The following SORCS2 variants were observed in gnomAD, a reference collection of about 807,000 sequenced individuals.
The protein encoded by SORCS2 is sortilin related VPS10 domain containing receptor 2, also known as VPS10 domain-containing receptor SorCS2.
A neutral mutation model predicts 141.6 loss-of-function variants in SORCS2; 100 were observed. The ratio of observed to expected loss-of-function variants is 0.71; its 90% confidence interval spans 0.60 to 0.83. The LOEUF (loss-of-function observed/expected upper bound fraction) is 0.83, where lower values mean the gene tolerates loss of function less well. Ranked by LOEUF, SORCS2 falls within the 40% of genes least tolerant of loss-of-function variation. The probability of loss-of-function intolerance (pLI) is 0.00; values close to 1 mark genes in which losing one functional copy is unlikely to be tolerated. For missense variants in SORCS2, 1,646 were observed against 1,560.2 expected (o/e 1.05, Z -0.93); for synonymous variants, 789 against 676.9 (o/e 1.17, Z -2.57).
chr4:7,267,849 C>T (rs1241350986), intron 1 of SORCS2, among the ~76,000 whole-genome samples: 2 of 152,206 alleles, frequency 1.3e-5, no homozygotes, highest in Admixed American at 6.5e-5. Flanking sequence ...AAAATACCAG[C>T]TTGTCTGGGT....
At chr4:7,359,590 G>T (rs1046962822) in intron 1 of SORCS2, among the ~76,000 whole-genome samples, 7 of 152,320 alleles carry the variant, frequency 4.6e-5, no homozygotes, top group African/African-American at 1.7e-4. Flanking sequence ...CCCCGTGGAG[G>T]TTCCAACGAT....
chr4:7,444,964 A>G (rs544487706), intron 2 of SORCS2, among the ~76,000 whole-genome samples: 1 of 150,350 alleles, frequency 6.7e-6, no homozygotes, highest in South Asian at 2.2e-4. Context: ...AGGCAGGCAG[A>G]CCTGTTGGGC....
chr4:7,551,685 T>C (rs1280780183), intron 3 of SORCS2, among the ~76,000 whole-genome samples: 2 of 152,224 alleles, frequency 1.3e-5, no homozygotes, highest in Non-Finnish European at 2.9e-5. Context: ...AGGTGAGGCA[T>C]GTATCCACAA....
chr4:7,730,724 G>A (rs1005094537), intron 23 of SORCS2, among the ~76,000 whole-genome samples: 1 of 152,176 alleles, frequency 6.6e-6, no homozygotes, highest in Non-Finnish European at 1.5e-5. Context: ...TTGTTGCCAG[G>A]GGCTGGGGGA....
chr4:7,722,501 C>T (rs1577117924), intron 18 of SORCS2, among the ~76,000 whole-genome samples: 1 of 152,204 alleles, frequency 6.6e-6, no homozygotes, highest in African/African-American at 2.4e-5. Flanking sequence ...CCATTTGCAC[C>T]TCCTCCAGCT....
intron 2 of SORCS2, among the ~76,000 whole-genome samples, chr4:7,506,005 G>A (rs1332033110): frequency 2.0e-5 from 3 of 152,142 alleles, no homozygotes; most frequent in Admixed American, 6.5e-5. Flanking sequence ...CTGGCAGGGG[G>A]AACGCATAGC....
intron 3 of SORCS2, among the ~76,000 whole-genome samples, chr4:7,591,194 T>A (rs1423734071): frequency 6.6e-6 from 1 of 152,090 alleles, no homozygotes; most frequent in East Asian, 1.9e-4. Context: ...CCTCCCACCT[T>A]CTCCTTCTTC....
chr4:7,238,079 A>G (rs2108785713), intron 1 of SORCS2, among the ~76,000 whole-genome samples: 1 of 152,258 alleles, frequency 6.6e-6, no homozygotes, highest in South Asian at 2.1e-4. Flanking sequence ...ATGCGCTGGC[A>G]AGAGGGAGAC....
At chr4:7,295,882 CA>C (rs1717017665) in intron 1 of SORCS2, among the ~76,000 whole-genome samples, 1 of 152,226 alleles carries the variant, frequency 6.6e-6, no homozygotes, top group Non-Finnish European at 1.5e-5. Flanking sequence ...AGTAGGTGAT[CA>C]GTGTGGAGAA....
At chr4:7,502,433 G>A (rs1024532880) in intron 2 of SORCS2, among the ~76,000 whole-genome samples, 3 of 152,194 alleles carry the variant, frequency 2.0e-5, no homozygotes, top group Non-Finnish European at 4.4e-5. Flanking sequence ...GTGTGAATGC[G>A]AAGGAAAGCC....
chr4:7,679,254 T>C (rs1723361046), intron 9 of SORCS2, among the ~76,000 whole-genome samples: 1 of 152,194 alleles, frequency 6.6e-6, no homozygotes, highest in Non-Finnish European at 1.5e-5. Flanking sequence ...GCTCCTCTTT[T>C]GCTGGAGCTT....
At position 7,563,116 on chromosome 4, in the gene SORCS2, CT is replaced by C. The variant is rs377091273; in HGVS notation, c.648+31488del. On this transcript the variant is annotated intron_variant, in intron 3 of 26. Transcript: ENST00000507866. The stretch of plus-strand genomic sequence containing the variant: ...TCTGTGGATGGGAGTCTGCTGACCC[CT>C]GGCCCTCTCTCTGCATTGGCTGGGG... Among the ~76,000 whole-genome samples, 1,153 of 152,286 alleles carry C rather than the reference CT, an allele frequency of 7.6e-3. 7 individuals carry two copies. Among genetic ancestry groups the C allele is most frequent in the African/African-American group, 0.026 (1,098 of 41,558 alleles).
chr4:7,272,966 A>G (rs56409309), intron 1 of SORCS2, among the ~76,000 whole-genome samples: 13,960 of 152,262 alleles, frequency 0.092, 855 homozygotes, highest in East Asian at 0.21. Context: ...CCCTGGACCA[A>G]TGTGGTGGAG....
At chr4:7,225,818 G>A (rs1324316746) in intron 1 of SORCS2, among the ~76,000 whole-genome samples, 1 of 152,174 alleles carries the variant, frequency 6.6e-6, no homozygotes, top group East Asian at 1.9e-4. Context: ...CGTGGTGTCC[G>A]TACAGCAGTG....
intron 12 of SORCS2, among the ~76,000 whole-genome samples, chr4:7,701,667 G>A (rs1005862108): frequency 6.6e-6 from 1 of 152,186 alleles, no homozygotes. Flanking sequence ...GGTGTGGCCT[G>A]CCGGCCCCCA....
At chr4:7,337,148 A>G (rs1005578021) in intron 1 of SORCS2, among the ~76,000 whole-genome samples, 9 of 152,158 alleles carry the variant, frequency 5.9e-5, no homozygotes, top group African/African-American at 1.2e-4. Context: ...TTAGTCTAGA[A>G]TTGCAGAAGG....
At chr4:7,669,733 A>T (rs1722689082) in intron 8 of SORCS2, among the ~76,000 whole-genome samples, 1 of 152,056 alleles carries the variant, frequency 6.6e-6, no homozygotes, top group Admixed American at 6.6e-5. Context: ...CATCCACCCA[A>T]TGTCTTCTCC....
At chr4:7,653,992 T>C (rs1721595710) in intron 4 of SORCS2, 142 bp from the exon 5 acceptor site, 5 of 772,458 alleles carry the variant, frequency 6.5e-6, no homozygotes, top group Non-Finnish European at 1.1e-5. Context: ...CATCCCAGCA[T>C]GAGCACAGCG....
At chr4:7,428,154 G>A (rs1050836337) in intron 2 of SORCS2, among the ~76,000 whole-genome samples, 15 of 152,184 alleles carry the variant, frequency 9.9e-5, no homozygotes, top group Admixed American at 2.0e-4. Context: ...TTTGCACAGC[G>A]TCCCTGGGGC....
Sources: allele counts gnomAD v4.1 joint callset (sites outside exome capture counted in the v4.1 genomes callset), GRCh38; gene constraint gnomAD v4.1.1; transcripts MANE v1.5; gene names NCBI Gene and HGNC (gene_info 2026-07-23, HGNC 2026-07-21).